The following SKAP2 variants were observed in gnomAD, a reference collection of about 807,000 sequenced individuals.
SKAP2 encodes src kinase-associated phosphoprotein 2.
A neutral mutation model predicts 54.9 loss-of-function variants in SKAP2; 28 were observed. The observed-to-expected ratio is 0.51, with a 90% CI of 0.38 to 0.70. SKAP2 has a LOEUF of 0.70. SKAP2 is among the 30% of genes least tolerant of loss of function. The probability of loss-of-function intolerance (pLI) is 0.00; values close to 1 mark genes in which losing one functional copy is unlikely to be tolerated. For synonymous variants in SKAP2, 137 were observed against 134.3 expected, an observed-to-expected ratio of 1.02 and a Z score of -0.14; for missense variants, 356 against 424.1, an observed-to-expected ratio of 0.84 and a Z score of 1.41.
intron 9 of SKAP2, among the ~76,000 whole-genome samples, chr7:26,697,668 C>T (rs1025448463): frequency 2.0e-5 from 3 of 151,592 alleles, no homozygotes; most frequent in East Asian, 3.9e-4. Context: ...TTTAAAGTAA[C>T]CTTTTTCTTA....
At chr7:26,863,416 T>C (rs1363141932) in intron 1 of SKAP2, among the ~76,000 whole-genome samples, 1 of 152,174 alleles carries the variant, frequency 6.6e-6, no homozygotes, top group Non-Finnish European at 1.5e-5. Flanking sequence ...TTTCCAGAAT[T>C]CTGACGTACA....
At chr7:26,699,426 A>T (rs1378006513) in intron 9 of SKAP2, among the ~76,000 whole-genome samples, 1 of 152,138 alleles carries the variant, frequency 6.6e-6, no homozygotes, top group African/African-American at 2.4e-5. Context: ...TTTAGGGGGA[A>T]ATATAGTTAT....
intron 3 of SKAP2, among the ~76,000 whole-genome samples, chr7:26,845,055 A>G (rs1329852646): frequency 6.6e-6 from 1 of 152,208 alleles, no homozygotes; most frequent in Non-Finnish European, 1.5e-5. Context: ...AGAAAAAAGT[A>G]TGCTTAATTC....
In SKAP2 at chr7:26,674,994, A is replaced by G. The variant is rs141060838; in HGVS notation, c.988-4802T>C. On this transcript the variant is annotated intron_variant, in intron 11 of 12. Transcript: ENST00000345317. ...TCAGTAGAGAGTGACTTTGGTATTC[A>G]GTGTATGGTATTTTACCTACATGAC... Among the ~76,000 whole-genome samples, 765 of 152,276 alleles carry G rather than the reference A, an allele frequency of 5.0e-3. 7 individuals are homozygous for G. Among genetic ancestry groups the G allele is most frequent in the African/African-American group, 0.017 (718 of 41,560 alleles).
intron 4 of SKAP2, among the ~76,000 whole-genome samples, chr7:26,749,727 C>A (rs1216019139): frequency 1.4e-5 from 2 of 142,128 alleles, no homozygotes; most frequent in Non-Finnish European, 3.0e-5. Flanking sequence ...CAGAGTGAGA[C>A]CCTGTCTCAA....
In SKAP2 at chr7:26,668,663, T is replaced by G. The variant is rs1786162918; in HGVS notation, c.*1003A>C. ...ACTTTGAGAATACACTGAGATTCTG[T>G]TTTTTTTTTTTTTTTTTTCTGAGAT... is the stretch of plus-strand genomic sequence containing the variant. On this transcript the variant is annotated 3_prime_UTR_variant, in exon 13 of 13. Coordinates refer to ENST00000345317, the MANE Select transcript of SKAP2 (RefSeq NM_003930.5). 2 of 34,766 alleles carry G rather than the reference T, an allele frequency of 5.8e-5. No homozygotes were observed. Among genetic ancestry groups the G allele is most frequent in the African/African-American group, 1.9e-4 (2 of 10,676 alleles). The allele number at this position is 34,766 out of a possible 1,614,324, so 2.2% of individuals were successfully genotyped here.
At chr7:26,716,439 A>G (rs2127952221) in intron 9 of SKAP2, among the ~76,000 whole-genome samples, 1 of 152,324 alleles carries the variant, frequency 6.6e-6, no homozygotes, top group South Asian at 2.1e-4. Context: ...TTCTTTGGAT[A>G]GAAATGCATG....
At chr7:26,819,878 A>G (rs569351620) in intron 4 of SKAP2, among the ~76,000 whole-genome samples, 1 of 152,014 alleles carries the variant, frequency 6.6e-6, no homozygotes, top group African/African-American at 2.4e-5. Context: ...CAAGTAGAGC[A>G]AGTACAAACA....
chr7:26,796,142 T>C (rs1003426898), intron 4 of SKAP2, among the ~76,000 whole-genome samples: 3 of 152,236 alleles, frequency 2.0e-5, no homozygotes, highest in African/African-American at 7.2e-5. Context: ...TATCCAAACT[T>C]ACGCACCACA....
chr7:26,728,603 G>A (rs1314453850), intron 6 of SKAP2, among the ~76,000 whole-genome samples: 1 of 152,112 alleles, frequency 6.6e-6, no homozygotes, highest in African/African-American at 2.4e-5. Flanking sequence ...TTGACAAATT[G>A]ATACCAAGCA....
At chr7:26,854,092 C>A in intron 3 of SKAP2, 45 bp downstream of exon 3, 1 of 1,416,050 alleles carries the variant, frequency 7.1e-7, no homozygotes, top group Admixed American at 2.0e-5. Flanking sequence ...TGAAAATTTC[C>A]ACAGAGGAAA....
Position 26,706,080 on chromosome 7 carries a change from T to C in SKAP2, c.797-15718A>G, listed in dbSNP as rs568334418. Among the ~76,000 whole-genome samples the C allele has an allele frequency of 1.6e-4, 24 of 152,300 alleles. No individual in the cohort carries two copies. The South Asian group carries it at 3.7e-3, about 24-fold the overall frequency. On this transcript the variant is annotated intron_variant, in intron 9 of 12. Coordinates refer to ENST00000345317, the MANE Select transcript of SKAP2 (RefSeq NM_003930.5). ...TTAAAAGTGAGAAATATAACCCTATTTGGTTACCAAAGTCCAACAATAACT... is the reference window on the plus strand; with the variant it reads ...TTAAAAGTGAGAAATATAACCCTATCTGGTTACCAAAGTCCAACAATAACT...
At chr7:26,803,000 T>G (rs757525615) in intron 4 of SKAP2, among the ~76,000 whole-genome samples, 21 of 152,092 alleles carry the variant, frequency 1.4e-4, no homozygotes, top group Non-Finnish European at 2.8e-4. Flanking sequence ...ATCTAAAGCC[T>G]CAAACTATGA....
chr7:26,728,439 T>C (rs1298215618), intron 6 of SKAP2, among the ~76,000 whole-genome samples: 3 of 152,124 alleles, frequency 2.0e-5, no homozygotes. Context: ...CGCGGAATCA[T>C]TTTTCACAGA....
At chr7:26,728,865 C>G (rs1467490980) in intron 6 of SKAP2, among the ~76,000 whole-genome samples, 2 of 152,084 alleles carry the variant, frequency 1.3e-5, no homozygotes, top group Non-Finnish European at 2.9e-5. Flanking sequence ...CCTTGCTGCG[C>G]AAGGGTTCAA....
intron 4 of SKAP2, among the ~76,000 whole-genome samples, chr7:26,740,394 C>T (rs1371718928): frequency 6.6e-6 from 1 of 152,010 alleles, no homozygotes. Flanking sequence ...AATGCTTTTC[C>T]GAATCAAATG....
chr7:26,676,335 T>C (rs1394213101), intron 11 of SKAP2, among the ~76,000 whole-genome samples: 1 of 152,188 alleles, frequency 6.6e-6, no homozygotes, highest in Non-Finnish European at 1.5e-5. Flanking sequence ...AAAGCCAAGA[T>C]CCTTCCTTTA....
intron 4 of SKAP2, among the ~76,000 whole-genome samples, chr7:26,793,121 C>T (rs1398889075): frequency 6.6e-6 from 1 of 152,122 alleles, no homozygotes; most frequent in African/African-American, 2.4e-5. Flanking sequence ...ACTTCCTTAC[C>T]TACCTGCTGT....
chr7:26,728,736 A>G (rs932146642), intron 6 of SKAP2, among the ~76,000 whole-genome samples: 2 of 152,130 alleles, frequency 1.3e-5, no homozygotes, highest in Admixed American at 1.3e-4. Context: ...GTTCACTACG[A>G]AAAGTGGAAG....
Sources: allele counts gnomAD v4.1 joint callset (sites outside exome capture counted in the v4.1 genomes callset), GRCh38; gene constraint gnomAD v4.1.1; transcripts MANE v1.5; gene names NCBI Gene and HGNC (gene_info 2026-07-23, HGNC 2026-07-21).